AMOTL2: variants seen among roughly 807,000 people sequenced by gnomAD.
AMOTL2 encodes the protein angiomotin like 2, also known as angiomotin-like protein 2.
In AMOTL2, 33 loss-of-function variants were observed where a neutral mutation model predicts 78.4. That is an observed-to-expected ratio of 0.42 (90% CI 0.32 to 0.56). The LOEUF is 0.56. Ranked by LOEUF, AMOTL2 falls within the 20% of genes least tolerant of loss-of-function variation. The pLI is 0.12. For synonymous variants in AMOTL2, 422 were observed against 428.8 expected, an observed-to-expected ratio of 0.98 and a Z score of 0.20; for missense variants, 983 against 1,030.1, an observed-to-expected ratio of 0.95 and a Z score of 0.63.
intron 5 of AMOTL2, among the ~76,000 whole-genome samples, chr3:134,363,494 C>T (rs2017463888): frequency 6.6e-6 from 1 of 152,180 alleles, no homozygotes; most frequent in South Asian, 2.1e-4. Context: ...CTTAGCATGA[C>T]TCTGTGGGGA....
Position 134,359,484 on chromosome 3 carries a change from G to C in AMOTL2, c.1903C>G (p.Gln635Glu). Reference sequence around the variant, plus strand: ...ATCACTGCATCCTTCTCCAGGATCTGGGCATGGAGCACCTTTAACCTGAGG... The same window carrying C: ...ATCACTGCATCCTTCTCCAGGATCTCGGCATGGAGCACCTTTAACCTGAGG... ...MESRLKVLHA[Q>E]ILEKDAVIKV... The change falls in exon 8 of 10, where the codon CAG becomes GAG. Residue 635 changes from glutamine to glutamate, a missense_variant. By Grantham distance (29) the Gln-to-Glu change is conservative. Coordinates refer to ENST00000249883, the MANE Select transcript of AMOTL2 (RefSeq NM_016201.4). 1 of 1,613,766 alleles carries C rather than the reference G, an allele frequency of 6.2e-7. No individual in the cohort carries two copies. Among genetic ancestry groups the C allele is most frequent in the Non-Finnish European group, 8.5e-7 (1 of 1,179,942 alleles).
upstream of AMOTL2, chr3:134,374,514 A>G (rs1324059229): frequency 1.0e-6 from 1 of 985,406 alleles, no homozygotes; most frequent in African/African-American, 1.7e-5. Context: ...TATGCCAGGA[A>G]TGTGAGAGTT....
intron 1 of AMOTL2, chr3:134,373,664 C>T: frequency 1.0e-6 from 1 of 985,498 alleles, no homozygotes; most frequent in Non-Finnish European, 1.2e-6. Flanking sequence ...GGGCTCCCGC[C>T]CCACCACGAG....
chr3:134,374,482 G>T, upstream of AMOTL2: 3 of 985,594 alleles, frequency 3.0e-6, no homozygotes, highest in South Asian at 4.7e-5. Flanking sequence ...CCCCAGGGTC[G>T]GCCCGCGCCG....
chr3:134,363,550 G>A (rs995111236), intron 5 of AMOTL2, among the ~76,000 whole-genome samples: 2 of 152,208 alleles, frequency 1.3e-5, no homozygotes, highest in African/African-American at 4.8e-5. Context: ...GGCGCAGGGA[G>A]AGAAGAAATA....
intron 9 of AMOTL2, 116 bp downstream of exon 9, chr3:134,358,424 T>A: frequency 1.6e-6 from 2 of 1,267,410 alleles, no homozygotes; most frequent in South Asian, 1.6e-5. Context: ...CGGCTCCCCA[T>A]GGAGTGCGGG....
chr3:134,356,145 T>C lies in AMOTL2; in HGVS notation c.*1560A>G, dbSNP rs1170997972. 6.6e-6 allele frequency: 1 copy of C among 152,634 alleles called. No homozygotes were observed. Among genetic ancestry groups the C allele is most frequent in the Non-Finnish European group, 1.5e-5 (1 of 68,054 alleles). The allele number at this position is 152,634 out of a possible 1,614,324, so 9.5% of individuals were successfully genotyped here. A position where few individuals can be genotyped will look rare whatever the true frequency, so the allele number is the denominator to read the frequency against. On this transcript the variant is annotated 3_prime_UTR_variant, in exon 10 of 10. Transcript: ENST00000249883. Reference sequence around the variant, plus strand: ...TTGCCTTTTTTTCCTCTTTTTTCTTTTTGCTTTGTAAACAATGCACATGAA... The same window carrying C: ...TTGCCTTTTTTTCCTCTTTTTTCTTCTTGCTTTGTAAACAATGCACATGAA...
rs778016011 is a variant in AMOTL2, at chr3:134,370,739, C to T, written c.695G>A (p.Arg232His). The T allele has an allele frequency of 1.7e-5, 26 of 1,512,868 alleles. No individual in the cohort carries two copies. The highest frequency in any genetic ancestry group is 9.1e-5 in the East Asian group (4 of 43,910). The allele number at this position is 1,512,868 out of a possible 1,614,324, so 93.7% of individuals were successfully genotyped here. ...CTGGAAGTGCGGGCTGCCGCGGGCA[C>T]GGTACCGTGGGTCAGTGACAGCAGT... is the stretch of plus-strand genomic sequence containing the variant. ...TTTAVTDPRY[R>H]ARGSPHFQHA... The change falls in exon 2 of 10, where the codon CGT becomes CAT. Residue 232 changes from arginine (R) to histidine (H), a missense_variant. By Grantham distance (29) the Arg-to-His change is conservative. Coordinates refer to ENST00000249883, the MANE Select transcript of AMOTL2 (RefSeq NM_016201.4).
intron 5 of AMOTL2, among the ~76,000 whole-genome samples, chr3:134,362,788 C>G (rs1418143161): frequency 6.6e-6 from 1 of 152,234 alleles, no homozygotes; most frequent in Non-Finnish European, 1.5e-5. Context: ...ATCCACCTCC[C>G]AGGCACCTGC....
Position 134,374,378 on chromosome 3 carries a change from C to T in AMOTL2, c.-98G>A. 2 of 985,326 alleles carry T rather than the reference C, an allele frequency of 2.0e-6. No individual in the cohort carries two copies. The highest frequency in any genetic ancestry group is 2.4e-6 in the Non-Finnish European group (2 of 829,902). 61.0% of individuals were successfully genotyped at this position (985,326 alleles called of 1,614,324 possible). On this transcript the variant is annotated 5_prime_UTR_variant, in exon 1 of 10. Coordinates refer to ENST00000249883, the MANE Select transcript of AMOTL2 (RefSeq NM_016201.4). The stretch of plus-strand genomic sequence containing the variant: ...GAGGGTGCCCAGCGCAGTCAGACAC[C>T]ACAACCTCCGGCTCGGCCCAGCTCA...
chr3:134,366,047 G>A (rs1400444040), intron 4 of AMOTL2, 138 bp from the exon 5 acceptor site: 3 of 1,080,600 alleles, frequency 2.8e-6, no homozygotes, highest in East Asian at 4.8e-5. Flanking sequence ...TCAGCTCAGG[G>A]CCCCATGGGT....
chr3:134,357,317 A>C lies in AMOTL2; in HGVS notation c.*388T>G. The C allele has an allele frequency of 1.4e-5, 3 of 212,916 alleles. No homozygotes were observed. Among genetic ancestry groups the C allele is most frequent in the East Asian group, 1.0e-4 (1 of 9,858 alleles). 13.2% of individuals were successfully genotyped at this position (212,916 alleles called of 1,614,324 possible). A position where few individuals can be genotyped will look rare whatever the true frequency, so the allele number is the denominator to read the frequency against. On this transcript the variant is annotated 3_prime_UTR_variant, in exon 10 of 10. Coordinates refer to ENST00000249883, the MANE Select transcript of AMOTL2 (RefSeq NM_016201.4). ...GTGTCCACGGGCAGCCGTCCGTGGA[A>C]ATTAGTTCCCCAAACCAACACAGCC...
At chr3:134,363,757 C>G (rs1479207764) in intron 5 of AMOTL2, among the ~76,000 whole-genome samples, 1 of 152,184 alleles carries the variant, frequency 6.6e-6, no homozygotes, top group Non-Finnish European at 1.5e-5. Context: ...GGAGGTCAAT[C>G]AGACACCTCC....
chr3:134,358,404 TG>T, intron 9 of AMOTL2, 135 bp downstream of exon 9: 1 of 1,088,510 alleles, frequency 9.2e-7, no homozygotes. Context: ...TGCTCACCTC[TG>T]GCTATGCACG....
rs912353822 is a variant in AMOTL2, at chr3:134,357,292, G to C, written c.*413C>G. The C allele has an allele frequency of 5.2e-5, 11 of 210,672 alleles. No individual in the cohort carries two copies. Among genetic ancestry groups the C allele is most frequent in the African/African-American group, 2.5e-4 (11 of 44,604 alleles). The allele number at this position is 210,672 out of a possible 1,614,324, so 13.1% of individuals were successfully genotyped here. ...CTTGATTAGTGAACCAGTCCACCTG[G>C]TGTCCACGGGCAGCCGTCCGTGGAA... On this transcript the variant is annotated 3_prime_UTR_variant, in exon 10 of 10. Coordinates refer to ENST00000249883, the MANE Select transcript of AMOTL2 (RefSeq NM_016201.4).
At chr3:134,366,717 G>A in intron 3 of AMOTL2, 1 of 320,670 alleles carries the variant, frequency 3.1e-6, no homozygotes, top group Middle Eastern at 9.2e-4. Context: ...ACTAAACACA[G>A]CTTCCCTGTG....
intron 7 of AMOTL2, 88 bp from the exon 8 acceptor site, chr3:134,359,591 GCCC>G: frequency 9.9e-7 from 1 of 1,013,064 alleles, no homozygotes; most frequent in Non-Finnish European, 1.5e-6. Flanking sequence ...TAGAGGAAAA[GCCC>G]CCCCCAACTC....
rs2017607480 is a variant in AMOTL2 at position 134,366,431 on chromosome 3, C to T, written c.1042-4G>A. 15 of 1,611,368 alleles carry T rather than the reference C, an allele frequency of 9.3e-6. No homozygotes were observed. The highest frequency in any genetic ancestry group is 2.2e-5 in the East Asian group (1 of 44,854). ...GCCGCTGGATTTCGCTTTCCAGCTGCAAGAGTCAGACAGCAGAGCTGAATG... is the reference window on the plus strand; with the variant it reads ...GCCGCTGGATTTCGCTTTCCAGCTGTAAGAGTCAGACAGCAGAGCTGAATG... On this transcript the variant is annotated splice_polypyrimidine_tract_variant and splice_region_variant and intron_variant, in intron 3 of 9. Transcript: ENST00000249883.
At chr3:134,358,425 G>T in intron 9 of AMOTL2, 115 bp downstream of exon 9, 1 of 1,278,018 alleles carries the variant, frequency 7.8e-7, no homozygotes, top group Non-Finnish European at 1.1e-6. Flanking sequence ...GGCTCCCCAT[G>T]GAGTGCGGGC....
Sources: gnomAD v4.1 joint callset for allele counts (sites outside exome capture counted in the v4.1 genomes callset) on GRCh38, gnomAD v4.1.1 for gene constraint, MANE v1.5 for transcripts, NCBI Gene and HGNC (gene_info 2026-07-23, HGNC 2026-07-21) for gene names.